The following CEP57 variants were observed in gnomAD, a reference collection of about 807,000 sequenced individuals.
CEP57 encodes the protein centrosomal protein 57.
Under a neutral mutation model 68.0 loss-of-function variants are expected in CEP57, and 40 were observed. The ratio of observed to expected loss-of-function variants is 0.59; its 90% CI spans 0.46 to 0.77. CEP57 has a LOEUF of 0.77. Ranked by LOEUF, CEP57 falls within the 30% of genes least tolerant of loss-of-function variation. The probability of loss-of-function intolerance (pLI) is 0.00; values close to 1 mark genes in which losing one functional copy is unlikely to be tolerated. For synonymous variants in CEP57, 219 were observed against 198.7 expected (o/e 1.10, Z -0.86); for missense variants, 606 against 580.7 (o/e 1.04, Z -0.45).
At chr11:95,830,563 A>G (rs1477940498) in intron 10 of CEP57, among the ~76,000 whole-genome samples, 1 of 152,188 alleles carries the variant, frequency 6.6e-6, no homozygotes, top group Non-Finnish European at 1.5e-5. Flanking sequence ...ACATCTGTTC[A>G]TCCATCTGGA....
intron 8 of CEP57, chr11:95,827,207 G>A (rs586238): frequency 0.28 from 42,602 of 152,740 alleles, 7,129 homozygotes; most frequent in Non-Finnish European, 0.38. Context: ...TCTTACACAC[G>A]TGATAGACAT....
chr11:95,790,294 C>T (rs1478867982), upstream of CEP57: 2 of 294,500 alleles, frequency 6.8e-6, no homozygotes, highest in Admixed American at 4.7e-5. Flanking sequence ...CACCACTACT[C>T]GCCCACGCTT....
intron 1 of CEP57, among the ~76,000 whole-genome samples, chr11:95,796,268 T>G (rs1861345346): frequency 6.6e-6 from 1 of 152,240 alleles, no homozygotes; most frequent in African/African-American, 2.4e-5. Context: ...CCCTAAGAAC[T>G]AAAGGCTGCA....
intron 2 of CEP57, among the ~76,000 whole-genome samples, chr11:95,804,938 A>G (rs573199291): frequency 6.6e-6 from 1 of 152,356 alleles, no homozygotes; most frequent in Non-Finnish European, 1.5e-5. Context: ...TTGAAAAAGA[A>G]AACAATAAAA....
At chr11:95,820,594 AAAAC>A (rs1429892462) in intron 6 of CEP57, among the ~76,000 whole-genome samples, 1 of 151,972 alleles carries the variant, frequency 6.6e-6, no homozygotes, top group Non-Finnish European at 1.5e-5. Flanking sequence ...AAAAAAAAAA[AAAAC>A]AGTGTTCTGC....
At chr11:95,814,687 A>G (rs891654769) in intron 4 of CEP57, among the ~76,000 whole-genome samples, 1 of 151,498 alleles carries the variant, frequency 6.6e-6, no homozygotes, top group African/African-American at 2.4e-5. Context: ...TTTAAAACTT[A>G]CTCCTTTTTC....
At chr11:95,791,698 G>T (rs1366892725) in intron 1 of CEP57, among the ~76,000 whole-genome samples, 1 of 152,212 alleles carries the variant, frequency 6.6e-6, no homozygotes, top group Non-Finnish European at 1.5e-5. Context: ...GGGTAGGCTA[G>T]AGAAGGTTTC....
chr11:95,818,841 G>A lies in CEP57; in HGVS notation c.636G>A (p.Glu212=). 1 of 1,613,886 alleles carries A rather than the reference G, an allele frequency of 6.2e-7. No individual in the cohort carries two copies. The highest frequency in any genetic ancestry group is 2.2e-5 in the East Asian group (1 of 44,860). ...TTTATCACTAGAAAAAAATGCAAGA[G>A]TTGGAAGCAAAACTCCATGAAGAAG... ...MQALAEKKMQ[E]LEAKLHEEEQ... is the part of the protein sequence containing the mutation. Residue 212 remains glutamate (E), a synonymous_variant, in exon 6 of 11, where the codon GAG becomes GAA. Transcript: ENST00000325542.
chr11:95,822,758 G>A, intron 8 of CEP57, 182 bp downstream of exon 8: 1 of 623,638 alleles, frequency 1.6e-6, no homozygotes, highest in Non-Finnish European at 2.9e-6. Context: ...GCAAGGAAGA[G>A]ATGGGGAGGA....
At chr11:95,814,412 G>C (rs1430124735) in intron 4 of CEP57, among the ~76,000 whole-genome samples, 3 of 145,786 alleles carry the variant, frequency 2.1e-5, no homozygotes, top group Non-Finnish European at 4.5e-5. Context: ...CCAGGCTGGA[G>C]AGCAACGGCG....
chr11:95,802,345 C>A (rs1172860888), intron 2 of CEP57, among the ~76,000 whole-genome samples: 1 of 151,274 alleles, frequency 6.6e-6, no homozygotes, highest in African/African-American at 2.4e-5. Flanking sequence ...ACCTCTGCCT[C>A]CCAGGTTCAA....
rs562503341 is a variant in CEP57, at chr11:95,818,983, A to G, written c.699+79A>G. 3.6e-5 allele frequency: 39 copies of G among 1,069,166 alleles called. No individual in the cohort carries two copies. In the South Asian group the frequency reaches 3.8e-4, roughly 10 times the overall value. The allele number at this position is 1,069,166 out of a possible 1,614,324, so 66.2% of individuals were successfully genotyped here. ...TACAAGTAAACAATTACATTTAGGTATCTTACATTATTTGTATTTTAGAAT... is the reference window on the plus strand; with the variant it reads ...TACAAGTAAACAATTACATTTAGGTGTCTTACATTATTTGTATTTTAGAAT... On this transcript the variant is annotated intron_variant, in intron 6 of 10. Transcript: ENST00000325542.
chr11:95,803,365 C>G (rs756154896), intron 2 of CEP57, among the ~76,000 whole-genome samples: 37 of 152,040 alleles, frequency 2.4e-4, no homozygotes, highest in Non-Finnish European at 4.4e-4. Context: ...CAGACATCAT[C>G]AAGGATACAG....
At chr11:95,799,132 G>T in intron 1 of CEP57, 100 bp from the exon 2 acceptor site, 1 of 1,185,472 alleles carries the variant, frequency 8.4e-7, no homozygotes, top group South Asian at 1.3e-5. Flanking sequence ...TTTTTCTGTT[G>T]TCTGTATGGA....
intron 4 of CEP57, among the ~76,000 whole-genome samples, chr11:95,815,550 G>A (rs1187437007): frequency 2.0e-5 from 3 of 151,818 alleles, no homozygotes; most frequent in Non-Finnish European, 2.9e-5. Context: ...GTTATATGGT[G>A]GTCTCATTTT....
At chr11:95,813,649 T>TC in intron 4 of CEP57, 60 bp downstream of exon 4, 1 of 1,598,872 alleles carries the variant, frequency 6.3e-7, no homozygotes, top group Non-Finnish European at 8.5e-7. Context: ...ACTAATTGAA[T>TC]AAAGACTTTT....
chr11:95,824,524 T>A (rs1396046622), intron 8 of CEP57, among the ~76,000 whole-genome samples: 1 of 152,192 alleles, frequency 6.6e-6, no homozygotes, highest in Non-Finnish European at 1.5e-5. Flanking sequence ...TTTAGAGGTT[T>A]GGCTTTAAAA....
At chr11:95,790,384 C>T (rs917400785), upstream of CEP57, 7 of 478,418 alleles carry the variant, frequency 1.5e-5, no homozygotes, top group Non-Finnish European at 2.6e-5. Flanking sequence ...CCCAGCGGGC[C>T]CCGTTACGCG....
intron 2 of CEP57, among the ~76,000 whole-genome samples, chr11:95,811,842 A>G (rs1862077391): frequency 6.6e-6 from 1 of 152,222 alleles, no homozygotes; most frequent in South Asian, 2.1e-4. Context: ...TCTTTGACCC[A>G]GTAACTTTTT....
Sources: gnomAD v4.1 joint callset for allele counts (sites outside exome capture counted in the v4.1 genomes callset) on GRCh38, gnomAD v4.1.1 for gene constraint, MANE v1.5 for transcripts, NCBI Gene and HGNC (gene_info 2026-07-23, HGNC 2026-07-21) for gene names.